The following PAPPA2 variants were observed in gnomAD, a reference collection of about 807,000 sequenced individuals.
PAPPA2 encodes pappalysin 2, also known as pappalysin-2.
PAPPA2 carries 86 observed loss-of-function variants against 176.4 expected under a neutral mutation model. The ratio of observed to expected loss-of-function variants is 0.49; its 90% CI spans 0.41 to 0.58. PAPPA2 has a LOEUF of 0.58. Ranked by LOEUF, PAPPA2 falls within the 20% of genes least tolerant of loss-of-function variation. The pLI is 0.00. For missense variants in PAPPA2, 2,073 were observed against 2,256.9 expected (o/e 0.92, Z 1.65); for synonymous variants, 809 against 852.2 (o/e 0.95, Z 0.88).
chr1:176,769,529 A>G, intron 15 of PAPPA2, 78 bp from the exon 16 acceptor site: 3 of 1,437,748 alleles, frequency 2.1e-6, no homozygotes, highest in Non-Finnish European at 2.9e-6. Flanking sequence ...ATAATCACCA[A>G]GACTCTTCTA....
intron 21 of PAPPA2, among the ~76,000 whole-genome samples, chr1:176,819,284 A>C (rs1666558363): frequency 6.6e-6 from 1 of 152,146 alleles, no homozygotes; most frequent in South Asian, 2.1e-4. Flanking sequence ...GAATGTTATG[A>C]GTCCTTTAAA....
At chr1:176,576,325 GA>G (rs1652639971) in intron 2 of PAPPA2, among the ~76,000 whole-genome samples, 1 of 152,124 alleles carries the variant, frequency 6.6e-6, no homozygotes, top group Non-Finnish European at 1.5e-5. Context: ...ACTAAAGACT[GA>G]AAATTTGTAT....
At chr1:176,762,005 A>G (rs1046341546) in intron 14 of PAPPA2, among the ~76,000 whole-genome samples, 3 of 152,216 alleles carry the variant, frequency 2.0e-5, no homozygotes, top group Non-Finnish European at 2.9e-5. Flanking sequence ...GAACACAACA[A>G]TCTCACTCAG....
rs553769081 is a variant in PAPPA2 at position 176,490,329 on chromosome 1, G to T, written c.-917+26911G>T. Among the ~76,000 whole-genome samples, 5 of 152,288 alleles carry T rather than the reference G, an allele frequency of 3.3e-5. 1 individual carries two copies. Among genetic ancestry groups the T allele is most frequent in the Admixed American group, 3.3e-4 (5 of 15,298 alleles). ...AAACAAGAAGTGTCAATTCAAATGA[G>T]TGATAGACCTTTAGTGTTGGATCTT... On this transcript the variant is annotated intron_variant, in intron 1 of 22. Transcript: ENST00000367662.
chr1:176,575,265 AC>A (rs1652579888), intron 2 of PAPPA2, among the ~76,000 whole-genome samples: 1 of 152,026 alleles, frequency 6.6e-6, no homozygotes, highest in Non-Finnish European at 1.5e-5. Context: ...CCTTTAATTA[AC>A]CCCAAGCCCA....
Position 176,771,044 on chromosome 1 carries a change from G to T in PAPPA2, c.4579G>T (p.Ala1527Ser), listed in dbSNP as rs115406220. The change falls in exon 17 of 23, where the codon GCT becomes TCT. Residue 1527 changes from alanine (A) to serine (S), a missense_variant. Physicochemically the swap from Ala to Ser is moderately conservative, Grantham distance 99. This residue lies in a region of PAPPA2 where 846 missense variants were observed against 857.9 expected (regional missense o/e 0.99). Transcript: ENST00000367662. ...PEVYCKLECD[A>S]PPIILNANLL... The stretch of plus-strand genomic sequence containing the variant: ...AGTCTACTGCAAGTTGGAGTGTGAT[G>T]CTCCCCCTATTATTCTGAATGCCAA... 9.1e-4 allele frequency: 1,464 copies of T among 1,614,092 alleles called. 14 individuals carry two copies. The African/African-American group carries it at 0.017, about 18-fold the overall frequency.
chr1:176,614,332 A>G (rs1655092328), intron 3 of PAPPA2, among the ~76,000 whole-genome samples: 1 of 152,174 alleles, frequency 6.6e-6, no homozygotes, highest in African/African-American at 2.4e-5. Flanking sequence ...ATTTTCCTAG[A>G]GATATTGAAG....
chr1:176,600,654 C>T (rs531780209), intron 3 of PAPPA2, among the ~76,000 whole-genome samples: 49 of 123,868 alleles, frequency 4.0e-4, no homozygotes, highest in African/African-American at 1.6e-3. Context: ...CCAGCCTGGG[C>T]GACAGAGCGA....
chr1:176,791,264 C>A, intron 18 of PAPPA2, 83 bp from the exon 19 acceptor site: 1 of 1,037,030 alleles, frequency 9.6e-7, no homozygotes, highest in Non-Finnish European at 1.3e-6. Flanking sequence ...CTGGAGAATA[C>A]TACCACTTAA....
chr1:176,643,712 G>C (rs541743932), intron 3 of PAPPA2, among the ~76,000 whole-genome samples: 2 of 151,948 alleles, frequency 1.3e-5, no homozygotes, highest in South Asian at 4.1e-4. Flanking sequence ...AACACAGGGA[G>C]ACCACAAAAG....
chr1:176,724,016 T>G (rs899249098), intron 12 of PAPPA2, among the ~76,000 whole-genome samples: 1 of 152,170 alleles, frequency 6.6e-6, no homozygotes, highest in African/African-American at 2.4e-5. Context: ...AATAAAATAA[T>G]AAATCTGACG....
chr1:176,712,719 C>G (rs553554599), intron 12 of PAPPA2, among the ~76,000 whole-genome samples: 37 of 152,176 alleles, frequency 2.4e-4, no homozygotes, highest in Non-Finnish European at 4.7e-4. Context: ...ACTGCCAGAT[C>G]GCAAGTAGGC....
At chr1:176,515,475 G>A (rs1038022962) in intron 1 of PAPPA2, among the ~76,000 whole-genome samples, 2 of 152,150 alleles carry the variant, frequency 1.3e-5, no homozygotes, top group African/African-American at 4.8e-5. Context: ...CTCACAATGG[G>A]AGCAACCACA....
intron 21 of PAPPA2, among the ~76,000 whole-genome samples, chr1:176,805,929 G>A (rs764700685): frequency 2.7e-5 from 4 of 148,220 alleles, no homozygotes; most frequent in Non-Finnish European, 4.4e-5. Flanking sequence ...TTTAGGTTAC[G>A]GTGAACTATG....
intron 1 of PAPPA2, among the ~76,000 whole-genome samples, chr1:176,496,239 T>G (rs1023814937): frequency 2.6e-5 from 4 of 152,206 alleles, no homozygotes; most frequent in Admixed American, 1.3e-4. Context: ...TATACAACTG[T>G]TTTTAATATG....
At chr1:176,620,874 T>C (rs1412163630) in intron 3 of PAPPA2, among the ~76,000 whole-genome samples, 2 of 152,192 alleles carry the variant, frequency 1.3e-5, no homozygotes, top group African/African-American at 4.8e-5. Context: ...TTACTTGATT[T>C]CCCCTTTTCC....
intron 1 of PAPPA2, among the ~76,000 whole-genome samples, chr1:176,496,146 G>T (rs970628172): frequency 2.0e-5 from 3 of 152,018 alleles, no homozygotes; most frequent in Non-Finnish European, 4.4e-5. Context: ...CAACGTGCAG[G>T]TTTGTTACAT....
At chr1:176,797,497 A>T (rs185131327) in intron 20 of PAPPA2, among the ~76,000 whole-genome samples, 27 of 152,198 alleles carry the variant, frequency 1.8e-4, no homozygotes, top group African/African-American at 3.1e-4. Flanking sequence ...AAAATTTTTT[A>T]AAATTAGCCT....
chr1:176,510,816 C>T (rs936053716), intron 1 of PAPPA2, among the ~76,000 whole-genome samples: 14 of 136,344 alleles, frequency 1.0e-4, no homozygotes, highest in South Asian at 4.5e-4. Flanking sequence ...CACATACACA[C>T]ACACACACAC....
Sources: gnomAD v4.1 joint callset for allele counts (sites outside exome capture counted in the v4.1 genomes callset) on GRCh38, gnomAD v4.1.1 for gene constraint, gnomAD v4.1.1 regional missense constraint, MANE v1.5 for transcripts, NCBI Gene and HGNC (gene_info 2026-07-23, HGNC 2026-07-21) for gene names.